The following DOCK2 variants were observed in gnomAD, a reference collection of about 807,000 sequenced individuals.
DOCK2 encodes dedicator of cytokinesis protein 2.
Under a neutral mutation model 248.9 loss-of-function variants are expected in DOCK2, and 87 were observed. The observed-to-expected ratio is 0.35, with a 90% CI of 0.29 to 0.42. The LOEUF (loss-of-function observed/expected upper bound fraction) is 0.42, where lower values mean the gene tolerates loss of function less well. Ranked by LOEUF, DOCK2 falls within the 10% of genes least tolerant of loss-of-function variation. DOCK2 has a pLI of 1.00. For missense variants in DOCK2, 1,747 were observed against 2,300.2 expected (o/e 0.76, Z 4.92); for synonymous variants, 805 against 821.6 (o/e 0.98, Z 0.35).
intron 36 of DOCK2, among the ~76,000 whole-genome samples, chr5:170,039,444 G>C (rs1195825632): frequency 3.3e-5 from 5 of 152,170 alleles, no homozygotes; most frequent in Non-Finnish European, 7.4e-5. Context: ...CCTGAGAACA[G>C]TGCCTGCGTT....
At chr5:169,878,119 A>C (rs1443185540) in intron 27 of DOCK2, among the ~76,000 whole-genome samples, 2 of 152,242 alleles carry the variant, frequency 1.3e-5, no homozygotes, top group Non-Finnish European at 2.9e-5. Context: ...CATAAACATA[A>C]AGATGAATGC....
At chr5:170,009,276 A>G (rs1755190050) in intron 32 of DOCK2, among the ~76,000 whole-genome samples, 2 of 152,236 alleles carry the variant, frequency 1.3e-5, no homozygotes, top group South Asian at 4.1e-4. Flanking sequence ...GATGGAACGA[A>G]GGAGACATTA....
chr5:169,864,925 GAGATAAT>G (rs1771446934), intron 27 of DOCK2, among the ~76,000 whole-genome samples: 1 of 152,228 alleles, frequency 6.6e-6, no homozygotes, highest in African/African-American at 2.4e-5. Context: ...TGTGTAAACT[GAGATAAT>G]ATAAATGAAA....
At chr5:169,696,394 C>A (rs1234512516) in intron 10 of DOCK2, among the ~76,000 whole-genome samples, 1 of 152,220 alleles carries the variant, frequency 6.6e-6, no homozygotes, top group African/African-American at 2.4e-5. Context: ...CAGAGCCCTG[C>A]ATGAGGCTGC....
At chr5:169,804,562 G>A (rs995868557) in intron 26 of DOCK2, among the ~76,000 whole-genome samples, 2 of 151,700 alleles carry the variant, frequency 1.3e-5, no homozygotes, top group African/African-American at 2.4e-5. Flanking sequence ...AGTGTTCAGT[G>A]GTGAATAATT....
chr5:169,788,876 C>T (rs762979931), intron 25 of DOCK2, among the ~76,000 whole-genome samples: 15 of 151,978 alleles, frequency 9.9e-5, no homozygotes, highest in African/African-American at 1.4e-4. Context: ...GGTCCATGTG[C>T]GGGTTTGTTA....
chr5:169,894,741 C>T (rs1045441155), intron 27 of DOCK2, among the ~76,000 whole-genome samples: 4 of 152,326 alleles, frequency 2.6e-5, no homozygotes, highest in Middle Eastern at 3.4e-3. Flanking sequence ...TAAATGGTGA[C>T]TTCCACTGTT....
intron 20 of DOCK2, among the ~76,000 whole-genome samples, chr5:169,717,063 T>C (rs114436937): frequency 0.01 from 1,575 of 152,314 alleles, 27 homozygotes; most frequent in African/African-American, 0.036. Context: ...GAATGTTGCA[T>C]GACCCTTTTA....
rs192441268 is a variant in DOCK2, at chr5:169,836,970, G to T, written c.2704-3787G>T. On this transcript the variant is annotated intron_variant, in intron 26 of 51. Coordinates refer to ENST00000520908, the MANE Select transcript of DOCK2 (RefSeq NM_004946.3). ...AACCCTACAGGAGATCAGTAGTTTT[G>T]CACTGCATTCTGAAAAGTCCTAGGA... Among the ~76,000 whole-genome samples the T allele has an allele frequency of 2.0e-3, 307 of 152,152 alleles. 1 individual carries two copies. Among genetic ancestry groups the T allele is most frequent in the African/African-American group, 6.9e-3 (286 of 41,502 alleles).
rs923542621 is a variant in DOCK2 at position 170,078,876 on chromosome 5, A to C, written c.4995-99A>C. On this transcript the variant is annotated intron_variant, in intron 48 of 51. Transcript: ENST00000520908. Reference sequence around the variant, plus strand: ...ACTCCAGACCCTGTAGTGACAGCTCAGGCAGCCCAAAGGTCCCCTTCAGCT... The same window carrying C: ...ACTCCAGACCCTGTAGTGACAGCTCCGGCAGCCCAAAGGTCCCCTTCAGCT... 7 of 1,392,104 alleles carry C rather than the reference A, an allele frequency of 5.0e-6. No individual in the cohort carries two copies. In the African/African-American group the frequency reaches 1.0e-4, roughly 20 times the overall value. 86.2% of individuals were successfully genotyped at this position (1,392,104 alleles called of 1,614,324 possible).
chr5:169,688,526 A>G (rs186908670), intron 8 of DOCK2, among the ~76,000 whole-genome samples: 12 of 152,340 alleles, frequency 7.9e-5, no homozygotes, highest in African/African-American at 2.6e-4. Context: ...TTTGCATTAT[A>G]TATATCTACC....
chr5:169,911,952 T>C (rs1774620822), intron 27 of DOCK2, among the ~76,000 whole-genome samples: 1 of 152,242 alleles, frequency 6.6e-6, no homozygotes, highest in Non-Finnish European at 1.5e-5. Flanking sequence ...ATTTCCATGA[T>C]GTTTCCTAGG....
intron 22 of DOCK2, among the ~76,000 whole-genome samples, chr5:169,724,182 C>A (rs543437612): frequency 6.6e-6 from 1 of 152,234 alleles, no homozygotes; most frequent in Admixed American, 6.5e-5. Context: ...GAGGGGCTGA[C>A]GTACTGAGTG....
At chr5:169,964,856 G>A (rs543060760) in intron 27 of DOCK2, among the ~76,000 whole-genome samples, 3 of 152,360 alleles carry the variant, frequency 2.0e-5, no homozygotes, top group Admixed American at 6.5e-5. Context: ...GGAACTGCAT[G>A]TAAATTGCTT....
At chr5:170,019,225 G>A (rs1170681575) in intron 33 of DOCK2, 117 bp downstream of exon 33, 4 of 1,498,028 alleles carry the variant, frequency 2.7e-6, no homozygotes, top group Admixed American at 3.7e-5. Flanking sequence ...GGCAGGATAG[G>A]GACATTTATT....
intron 27 of DOCK2, among the ~76,000 whole-genome samples, chr5:169,934,275 T>G (rs557972347): frequency 1.5e-4 from 23 of 152,306 alleles, no homozygotes; most frequent in African/African-American, 5.5e-4. Context: ...TCTACTGTAT[T>G]TACCCGGGAA....
At chr5:169,965,418 T>C (rs1009358074) in intron 27 of DOCK2, among the ~76,000 whole-genome samples, 22 of 152,342 alleles carry the variant, frequency 1.4e-4, no homozygotes, top group Non-Finnish European at 2.6e-4. Context: ...CATTATGGGA[T>C]GAGCTTAGAA....
intron 26 of DOCK2, among the ~76,000 whole-genome samples, chr5:169,824,746 T>C (rs560902452): frequency 4.6e-5 from 7 of 152,174 alleles, no homozygotes; most frequent in Non-Finnish European, 8.8e-5. Context: ...CCAAAAGCAA[T>C]GGCAACGAAA....
intron 27 of DOCK2, among the ~76,000 whole-genome samples, chr5:169,867,143 A>ATG (rs1218422837): frequency 6.6e-6 from 1 of 152,218 alleles, no homozygotes; most frequent in Non-Finnish European, 1.5e-5. Context: ...AAGGATACAG[A>ATG]TGAAGAGATG....
Sources: gnomAD v4.1 joint callset for allele counts (sites outside exome capture counted in the v4.1 genomes callset) on GRCh38, gnomAD v4.1.1 for gene constraint, MANE v1.5 for transcripts, NCBI Gene and HGNC (gene_info 2026-07-23, HGNC 2026-07-21) for gene names.